Variants in HGD observed in about 807,000 individuals in gnomAD.
The protein encoded by HGD is homogentisate 1,2-dioxygenase.
In HGD, 61 loss-of-function variants were observed where a neutral mutation model predicts 60.8. The observed-to-expected ratio is 1.00, with a 90% confidence interval of 0.82 to 1.24. The LOEUF is 1.24. Among genes scored for constraint, HGD ranks in the 50% most tolerant of loss-of-function variants. HGD has a pLI of 0.00. For missense variants in HGD, 542 were observed against 547.1 expected, an observed-to-expected ratio of 0.99 and a Z score of 0.09; for synonymous variants, 212 against 187.7, an observed-to-expected ratio of 1.13 and a Z score of -1.06.
intron 1 of HGD, 40 bp from the exon 2 acceptor site, chr3:120,675,903 T>C (rs760819409): frequency 6.6e-7 from 1 of 1,511,736 alleles, no homozygotes; most frequent in South Asian, 1.1e-5. Context: ...ATTAGCAGGA[T>C]TTAAAGAGCA....
intron 10 of HGD, among the ~76,000 whole-genome samples, chr3:120,642,277 G>C (rs926434858): frequency 6.6e-6 from 1 of 152,186 alleles, no homozygotes; most frequent in Non-Finnish European, 1.5e-5. Flanking sequence ...GGTCCCTTCT[G>C]TATCTATGGG....
At chr3:120,670,564 C>A (rs760532061) in intron 3 of HGD, 32 bp from the exon 4 acceptor site, 1 of 1,221,858 alleles carries the variant, frequency 8.2e-7, no homozygotes, top group South Asian at 1.2e-5. Context: ...ATATACAAGC[C>A]TTAGAGTAAT....
chr3:120,648,029 T>C (rs575555364), intron 6 of HGD, 118 bp from the exon 7 acceptor site: 1 of 850,596 alleles, frequency 1.2e-6, no homozygotes, highest in South Asian at 1.4e-5. Context: ...GGGTATAAAA[T>C]GGGGAGCAAA....
intron 1 of HGD, among the ~76,000 whole-genome samples, chr3:120,679,532 G>A (rs1708195382): frequency 6.6e-6 from 1 of 152,116 alleles, no homozygotes; most frequent in Non-Finnish European, 1.5e-5. Context: ...ATCTTTTCTA[G>A]CCAAACAGAC....
intron 6 of HGD, among the ~76,000 whole-genome samples, chr3:120,648,653 AGC>A (rs1455101542): frequency 7.9e-5 from 12 of 152,228 alleles, no homozygotes; most frequent in African/African-American, 2.9e-4. Flanking sequence ...AAAGTCGGGT[AGC>A]CTGCTACTAA....
At chr3:120,640,943 T>TC (rs141137309) in intron 11 of HGD, among the ~76,000 whole-genome samples, 3,235 of 152,026 alleles carry the variant, frequency 0.021, 51 homozygotes, top group Middle Eastern at 0.041. Context: ...AAAATGAACT[T>TC]CCCCCCGGGG....
In HGD at chr3:120,643,565, C is replaced by T. The variant is rs572329456; in HGVS notation, c.774+754G>A. Among the ~76,000 whole-genome samples the T allele has an allele frequency of 5.3e-5, 8 of 152,246 alleles. 1 individual carries two copies. The East Asian group carries it at 1.4e-3, about 26-fold the overall frequency. ...AATTTTAAGTGCCAAACTGGTTGGC[C>T]TCGGCTGGTTGGCATTATCTCTAGA... is the stretch of plus-strand genomic sequence containing the variant. On this transcript the variant is annotated intron_variant, in intron 10 of 13. Coordinates refer to ENST00000283871, the MANE Select transcript of HGD (RefSeq NM_000187.4).
rs543237055 is a variant in HGD, at chr3:120,671,904, G to A, written c.177-1372C>T. 1.4e-4 allele frequency among the ~76,000 whole-genome samples: 21 copies of A among 151,734 alleles called. No homozygotes were observed. The South Asian group carries it at 3.3e-3, about 24-fold the overall frequency. Reference sequence around the variant, plus strand: ...AAGCAGGAACAGAAAACCAAACACTGCATGTTCTCACTCATAAGTGGGAGC... The same window carrying A: ...AAGCAGGAACAGAAAACCAAACACTACATGTTCTCACTCATAAGTGGGAGC... On this transcript the variant is annotated intron_variant, in intron 3 of 13. Coordinates refer to ENST00000283871, the MANE Select transcript of HGD (RefSeq NM_000187.4).
At chr3:120,643,277 C>T (rs1479509209) in intron 10 of HGD, among the ~76,000 whole-genome samples, 1 of 152,160 alleles carries the variant, frequency 6.6e-6, no homozygotes, top group African/African-American at 2.4e-5. Flanking sequence ...GTGTGCACCA[C>T]CACATCTGGC....
intron 4 of HGD, among the ~76,000 whole-genome samples, chr3:120,666,113 G>A (rs1002327118): frequency 1.6e-4 from 24 of 152,210 alleles, no homozygotes; most frequent in African/African-American, 5.3e-4. Flanking sequence ...ATCATGGAGA[G>A]AGAAGTAGTT....
intron 2 of HGD, among the ~76,000 whole-genome samples, chr3:120,675,409 G>A (rs986869309): frequency 2.0e-5 from 3 of 151,020 alleles, no homozygotes; most frequent in Non-Finnish European, 4.4e-5. Flanking sequence ...TTTGTTTCCC[G>A]TGTTGTTGCT....
chr3:120,633,585 C>G, intron 12 of HGD: 1 of 1,425,510 alleles, frequency 7.0e-7, no homozygotes, highest in Non-Finnish European at 9.3e-7. Flanking sequence ...AGGAATCAGG[C>G]TAGATCTAAA....
chr3:120,640,295 G>A (rs955880296), intron 11 of HGD, among the ~76,000 whole-genome samples: 8 of 151,656 alleles, frequency 5.3e-5, no homozygotes, highest in African/African-American at 1.9e-4. Context: ...GAAGGGAAAT[G>A]ACATTTTAAT....
chr3:120,632,220 G>A (rs976630385), intron 13 of HGD, among the ~76,000 whole-genome samples: 54 of 152,156 alleles, frequency 3.5e-4, no homozygotes, highest in Admixed American at 1.5e-3. Context: ...GTGGACAGAC[G>A]GACAGATAAT....
chr3:120,676,040 T>C (rs1288223656), intron 1 of HGD, among the ~76,000 whole-genome samples, 177 bp from the exon 2 acceptor site: 1 of 152,186 alleles, frequency 6.6e-6, no homozygotes, highest in African/African-American at 2.4e-5. Context: ...ACAATATGGT[T>C]TCTGTGAATT....
rs140967269 is a variant in HGD at position 120,646,073 on chromosome 3, T to C, written c.649+194A>G. Among the ~76,000 whole-genome samples the C allele has an allele frequency of 9.3e-4, 141 of 152,334 alleles. 2 individuals are homozygous for C. The highest frequency in any genetic ancestry group is 2.7e-3 in the South Asian group (13 of 4,830). On this transcript the variant is annotated intron_variant, in intron 9 of 13. Coordinates refer to ENST00000283871, the MANE Select transcript of HGD (RefSeq NM_000187.4). ...CTGTATACTATTCTAGAGAGATTTA[T>C]AATGGATTGGTTTGGGTTGCTTTCT...
At chr3:120,647,758 G>T in intron 7 of HGD, 119 bp downstream of exon 7, 1 of 878,968 alleles carries the variant, frequency 1.1e-6, no homozygotes, top group Non-Finnish European at 2.0e-6. Context: ...TCTCTGGATT[G>T]CACTAAATGA....
Position 120,646,331 on chromosome 3 carries a change from C to T in HGD, c.585G>A (p.Glu195=). The T allele has an allele frequency of 6.2e-7, 1 of 1,613,618 alleles. No homozygotes were observed. The highest frequency in any genetic ancestry group is 8.5e-7 in the Non-Finnish European group (1 of 1,179,584). ...AGACCTCCAAGATGTAGCCCCTGGT[C>T]TCCTCAAAGACATCTATGCTGAACC... ...GMRFSIDVFE[E]TRGYILEVYG... Residue 195 remains glutamate, a synonymous_variant, in exon 9 of 14, where the codon GAG becomes GAA. Coordinates refer to ENST00000283871, the MANE Select transcript of HGD (RefSeq NM_000187.4).
Position 120,652,605 on chromosome 3 carries a change from A to G in HGD, c.329T>C (p.Val110Ala). ...FEIPKASQKK[V>A]DFVSGLHTLC... ...GGACTGACTTACACTCACAAAGTCT[A>G]CTTTCTTCTGAGATGCTTTTGGAAT... Residue 110 changes from valine to alanine, a missense_variant, in exon 5 of 14, where the codon GTA becomes GCA. By Grantham distance (64) the Val-to-Ala change is moderately conservative (BLOSUM62 0). Around this residue, in one of 2 missense-constraint regions of HGD, gnomAD observed 537 missense variants for 529.1 expected, o/e 1.01. Coordinates refer to ENST00000283871, the MANE Select transcript of HGD (RefSeq NM_000187.4). The G allele has an allele frequency of 6.2e-7, 1 of 1,612,816 alleles. No homozygotes were observed. Among genetic ancestry groups the G allele is most frequent in the Non-Finnish European group, 8.5e-7 (1 of 1,178,886 alleles).
Sources: allele counts gnomAD v4.1 joint callset (sites outside exome capture counted in the v4.1 genomes callset), GRCh38; gene constraint gnomAD v4.1.1; regional missense constraint gnomAD v4.1.1; transcripts MANE v1.5; gene names NCBI Gene and HGNC (gene_info 2026-07-23, HGNC 2026-07-21).